OSMR: variants seen among roughly 807,000 people sequenced by gnomAD.
OSMR encodes oncostatin M receptor, also known as oncostatin-M-specific receptor subunit beta.
Under a neutral mutation model 99.9 loss-of-function variants are expected in OSMR, and 81 were observed. That is an observed-to-expected ratio of 0.81 (90% confidence interval 0.68 to 0.97). The LOEUF (loss-of-function observed/expected upper bound fraction) is 0.97. Among genes scored for constraint, OSMR ranks in the 50% least tolerant of loss-of-function variants. OSMR has a pLI of 0.00. For missense variants in OSMR, 1,099 were observed against 1,153.4 expected (o/e 0.95, Z 0.68); for synonymous variants, 406 against 410.4 (o/e 0.99, Z 0.13).
At position 38,883,141 on chromosome 5, in the gene OSMR, C is replaced by G. The variant is rs559321848; in HGVS notation, c.419-686C>G. Among the ~76,000 whole-genome samples the G allele has an allele frequency of 1.3e-5, 2 of 152,124 alleles. 1 individual carries two copies. The highest frequency in any genetic ancestry group is 2.9e-5 in the Non-Finnish European group (2 of 68,024). ...CCAGCCTGCACAACATGGCGAAGCC[C>G]CAGCTCTACTAAAAATACAAAAAAT... On this transcript the variant is annotated intron_variant, in intron 4 of 17. Coordinates refer to ENST00000274276, the MANE Select transcript of OSMR (RefSeq NM_003999.3).
intron 1 of OSMR, among the ~76,000 whole-genome samples, chr5:38,857,948 G>A (rs1021454481): frequency 3.9e-5 from 6 of 152,066 alleles, no homozygotes; most frequent in Admixed American, 6.6e-5. Context: ...GATTACAGGC[G>A]TGAGCCACCA....
downstream of OSMR, chr5:38,945,181 A>C: frequency 1.2e-6 from 1 of 803,310 alleles, no homozygotes; most frequent in Non-Finnish European, 1.9e-6. Context: ...AATTGTATGC[A>C]ATATACCAAA....
chr5:38,944,691 A>C, intron 2 of OSMR: 1 of 965,436 alleles, frequency 1.0e-6, no homozygotes, highest in Admixed American at 2.7e-5. Flanking sequence ...TGATCTACCA[A>C]TCATTTTGGG....
chr5:38,935,767 A>G (rs558836149), downstream of OSMR: 17 of 152,206 alleles, frequency 1.1e-4, no homozygotes, highest in Non-Finnish European at 2.1e-4. Flanking sequence ...CCTCTTAATC[A>G]GAATCTTTGG....
intron 1 of OSMR, among the ~76,000 whole-genome samples, chr5:38,855,379 G>A (rs1419299476): frequency 6.6e-6 from 1 of 152,166 alleles, no homozygotes; most frequent in Admixed American, 6.5e-5. Context: ...TATCCGGCTA[G>A]CTGCCTGACA....
intron 2 of OSMR, among the ~76,000 whole-genome samples, chr5:38,870,498 A>AT (rs1220093287): frequency 2.6e-5 from 4 of 151,978 alleles, no homozygotes; most frequent in Non-Finnish European, 4.4e-5. Context: ...CGCCCAGCTA[A>AT]TTTTTTTGTA....
chr5:38,848,212 C>G (rs1463910471), intron 1 of OSMR, among the ~76,000 whole-genome samples: 1 of 152,148 alleles, frequency 6.6e-6, no homozygotes, highest in Non-Finnish European at 1.5e-5. Context: ...CCTTGGCCCT[C>G]CTTTCGCTGG....
chr5:38,886,407 A>C (rs1743775665), intron 7 of OSMR: 1 of 1,311,180 alleles, frequency 7.6e-7, no homozygotes, highest in Admixed American at 3.4e-5. Context: ...CAATGAGCTT[A>C]CTACCCAACT....
intron 2 of OSMR, chr5:38,944,873 G>A (rs1217762537): frequency 1.3e-6 from 2 of 1,582,048 alleles, no homozygotes; most frequent in African/African-American, 1.3e-5. Flanking sequence ...AATCAGAACA[G>A]TTTTACTAAT....
chr5:38,926,404 G>A (rs1480148764), intron 15 of OSMR, among the ~76,000 whole-genome samples: 1 of 152,192 alleles, frequency 6.6e-6, no homozygotes, highest in Admixed American at 6.5e-5. Flanking sequence ...AAAGGAAAGA[G>A]GTTTAATTGA....
intron 9 of OSMR, among the ~76,000 whole-genome samples, chr5:38,906,884 A>T (rs1467003572): frequency 6.6e-6 from 1 of 152,238 alleles, no homozygotes; most frequent in African/African-American, 2.4e-5. Flanking sequence ...ACTAAAAAAA[A>T]TAGGAAAGTT....
At chr5:38,927,998 C>T (rs1746547121) in intron 15 of OSMR, among the ~76,000 whole-genome samples, 1 of 152,212 alleles carries the variant, frequency 6.6e-6, no homozygotes, top group African/African-American at 2.4e-5. Context: ...TAAAGCATAA[C>T]AAGAGTCACC....
At chr5:38,880,703 T>C (rs1579691808) in intron 3 of OSMR, among the ~76,000 whole-genome samples, 2 of 152,280 alleles carry the variant, frequency 1.3e-5, no homozygotes, top group East Asian at 3.9e-4. Context: ...GCATAAGGCA[T>C]ATCCAGAAGT....
At chr5:38,871,099 G>A (rs1209765588) in intron 2 of OSMR, among the ~76,000 whole-genome samples, 1 of 152,190 alleles carries the variant, frequency 6.6e-6, no homozygotes, top group African/African-American at 2.4e-5. Flanking sequence ...TAAAACAATA[G>A]TAACTCATTC....
intron 1 of OSMR, among the ~76,000 whole-genome samples, chr5:38,860,118 TGTAAAA>T: frequency 6.6e-6 from 1 of 152,204 alleles, no homozygotes; most frequent in Admixed American, 6.5e-5. Flanking sequence ...GAATATGAGT[TGTAAAA>T]TTGGGCATCC....
intron 2 of OSMR, among the ~76,000 whole-genome samples, chr5:38,875,845 G>T (rs911241818): frequency 3.3e-5 from 5 of 152,154 alleles, no homozygotes; most frequent in Non-Finnish European, 7.4e-5. Context: ...CTGATGTTCA[G>T]AAATGTAACA....
Position 38,904,411 on chromosome 5 carries a change from C to T in OSMR, c.1193C>T (p.Thr398Ile). ...EYFLSELEPA[T>I]EYMARVRCAD... ...TTCTTAAGTGAACTGGAACCTGCCA[C>T]AGAGTACATGGCGCGAGTACGGTGT... is the stretch of plus-strand genomic sequence containing the variant. Residue 398 changes from threonine (T) to isoleucine (I), a missense_variant, in exon 9 of 18, where the codon ACA becomes ATA. By Grantham distance (89) the Thr-to-Ile change is moderately conservative. Coordinates refer to ENST00000274276, the MANE Select transcript of OSMR (RefSeq NM_003999.3). 1 of 1,614,154 alleles carries T rather than the reference C, an allele frequency of 6.2e-7. No homozygotes were observed. The highest frequency in any genetic ancestry group is 8.5e-7 in the Non-Finnish European group (1 of 1,180,022).
chr5:38,931,817 G>A (rs357277), intron 15 of OSMR, 66 bp from the exon 16 acceptor site: 954,591 of 1,571,120 alleles, frequency 0.61, 292,128 homozygotes, highest in African/African-American at 0.7. Context: ...TCATAAACTT[G>A]TATTTATTCC....
intron 11 of OSMR, among the ~76,000 whole-genome samples, chr5:38,920,192 C>G (rs566539768): frequency 1.1e-4 from 17 of 152,288 alleles, no homozygotes; most frequent in Admixed American, 9.8e-4. Flanking sequence ...GCCCTGCCTT[C>G]AGATGCCTAG....
Sources: gnomAD v4.1 joint callset for allele counts (sites outside exome capture counted in the v4.1 genomes callset) on GRCh38, gnomAD v4.1.1 for gene constraint, MANE v1.5 for transcripts, NCBI Gene and HGNC (gene_info 2026-07-23, HGNC 2026-07-21) for gene names.